Variants in ITPR1 observed in about 807,000 individuals in gnomAD.
ITPR1 encodes the protein inositol 1,4,5-trisphosphate receptor type 1.
A neutral mutation model predicts 318.4 loss-of-function variants in ITPR1; 96 were observed. The observed-to-expected ratio is 0.30, with a 90% CI of 0.26 to 0.36. ITPR1 has a LOEUF of 0.36. Among genes scored for constraint, ITPR1 ranks in the 10% least tolerant of loss-of-function variants. The probability of loss-of-function intolerance (pLI) is 1.00; values close to 1 mark genes in which losing one functional copy is unlikely to be tolerated. For missense variants in ITPR1, 2,440 were observed against 3,460.2 expected, an observed-to-expected ratio of 0.71 and a Z score of 7.40; for synonymous variants, 1,312 against 1,289.9, an observed-to-expected ratio of 1.02 and a Z score of -0.37.
intron 37 of ITPR1, among the ~76,000 whole-genome samples, chr3:4,706,645 T>C (rs113887418): frequency 1.8e-3 from 275 of 152,268 alleles, no homozygotes; most frequent in Middle Eastern, 0.014. Context: ...TTACAGAGGA[T>C]GTTTAGAGTA....
At chr3:4,763,207 G>A (rs2045573304) in intron 44 of ITPR1, among the ~76,000 whole-genome samples, 1 of 152,122 alleles carries the variant, frequency 6.6e-6, no homozygotes, top group South Asian at 2.1e-4. Context: ...GTTGGGGGAG[G>A]CAGGAGTTGG....
At position 4,681,483 on chromosome 3, in the gene ITPR1, C is replaced by T. The variant is rs1169502276; in HGVS notation, c.3161+65C>T. ...CTCTTCCAGAGCTCTCAGAGGCCTT[C>T]CCTTTATTATGTTAGTAAATATTTA... On this transcript the variant is annotated intron_variant, in intron 26 of 61. Transcript: ENST00000649015. The T allele has an allele frequency of 6.2e-5, 67 of 1,085,490 alleles. 1 individual carries two copies. In the East Asian group the frequency reaches 6.4e-4, roughly 10 times the overall value. The allele number at this position is 1,085,490 out of a possible 1,614,324, so 67.2% of individuals were successfully genotyped here.
rs184643670 is a variant in ITPR1 at position 4,679,118 on chromosome 3, C to T, written c.2968-1435C>T. ...TCTATGAGAAGCGGTAAATGGAGAACCACCAGGACTTAGTCTCTGATTAGA... is the reference window on the plus strand; with the variant it reads ...TCTATGAGAAGCGGTAAATGGAGAATCACCAGGACTTAGTCTCTGATTAGA... On this transcript the variant is annotated intron_variant, in intron 24 of 61. Transcript: ENST00000649015. Among the ~76,000 whole-genome samples, 3 of 152,020 alleles carry T rather than the reference C, an allele frequency of 2.0e-5. No individual in the cohort carries two copies. In the East Asian group the frequency reaches 5.8e-4, roughly 29 times the overall value.
intron 4 of ITPR1, among the ~76,000 whole-genome samples, chr3:4,571,128 T>A (rs1015824711): frequency 6.6e-6 from 1 of 152,162 alleles, no homozygotes; most frequent in African/African-American, 2.4e-5. Flanking sequence ...CCAAAGCATG[T>A]CTCTTTGGGC....
chr3:4,776,891 CAA>C (rs777599162), intron 47 of ITPR1, among the ~76,000 whole-genome samples: 10 of 152,148 alleles, frequency 6.6e-5, no homozygotes, highest in Admixed American at 2.0e-4. Flanking sequence ...GTACAAAATA[CAA>C]AAAGAGTGCT....
chr3:4,697,370 C>T lies in ITPR1; in HGVS notation c.4407+98C>T, dbSNP rs986463923. ...TGTGTGTGTAGCATCTTTGTGCACA[C>T]ATGAAGAAAACAGCTGCATCATTTC... On this transcript the variant is annotated intron_variant, in intron 34 of 61. Coordinates refer to ENST00000649015, the MANE Select transcript of ITPR1 (RefSeq NM_001378452.1). 14 of 1,135,670 alleles carry T rather than the reference C, an allele frequency of 1.2e-5. No individual in the cohort carries two copies. In the African/African-American group the frequency reaches 1.4e-4, roughly 11 times the overall value. The allele number at this position is 1,135,670 out of a possible 1,614,324, so 70.3% of individuals were successfully genotyped here. A position where few individuals can be genotyped will look rare whatever the true frequency, so the allele number is the denominator to read the frequency against.
Position 4,788,043 on chromosome 3 carries a change from A to G in ITPR1, c.6712A>G (p.Thr2238Ala), listed in dbSNP as rs1238333641. ...TKESKLRIYYTTERDEQGSKI... is the reference protein window; with the variant it reads ...TKESKLRIYYATERDEQGSKI... ...GGAGTCAAAACTACGAATTTACTAT[A>G]CTACAGAGAGAGACGAACAAGGCAG... Residue 2238 changes from threonine (T) to alanine (A), a missense_variant, in exon 52 of 62, where the codon ACT (threonine) becomes GCT (alanine). By Grantham distance (58) the Thr-to-Ala change is moderately conservative. Transcript: ENST00000649015. The G allele has an allele frequency of 6.2e-7, 1 of 1,612,840 alleles. No individual in the cohort carries two copies. The highest frequency in any genetic ancestry group is 1.1e-5 in the South Asian group (1 of 90,674).
chr3:4,703,355 C>A (rs1574935388), intron 36 of ITPR1, among the ~76,000 whole-genome samples: 1 of 152,100 alleles, frequency 6.6e-6, no homozygotes, highest in South Asian at 2.1e-4. Flanking sequence ...TAAGGAACAC[C>A]CTTTCTCAGA....
chr3:4,814,611 G>GGGGGGGGGGGGGGGGGT, intron 58 of ITPR1, 49 bp downstream of exon 58: 2 of 707,948 alleles, frequency 2.8e-6, no homozygotes, highest in African/African-American at 1.9e-5. Context: ...GGGTGGGGTG[G>GGGGGGGGGGGGGGGGGT]TTGGTGGGAG....
chr3:4,805,971 G>T, intron 54 of ITPR1, 132 bp from the exon 55 acceptor site: 1 of 714,430 alleles, frequency 1.4e-6, no homozygotes, highest in Non-Finnish European at 2.2e-6. Flanking sequence ...GGGTTTGGTG[G>T]GCACCGGGTG....
chr3:4,815,283 C>T lies in ITPR1; in HGVS notation c.7867+65C>T. The T allele has an allele frequency of 2.6e-6, 4 of 1,528,832 alleles. No homozygotes were observed. In the South Asian group the frequency reaches 4.6e-5, roughly 18 times the overall value. The allele number at this position is 1,528,832 out of a possible 1,614,324, so 94.7% of individuals were successfully genotyped here. A position where few individuals can be genotyped will look rare whatever the true frequency, so the allele number is the denominator to read the frequency against. ...CCAGCGTGGCAGAGGCATGTGGATA[C>T]TGCGAGGGTGTGATGGGCGGGGTGC... On this transcript the variant is annotated intron_variant, in intron 59 of 61. Coordinates refer to ENST00000649015, the MANE Select transcript of ITPR1 (RefSeq NM_001378452.1).
Position 4,685,342 on chromosome 3 carries a change from G to A in ITPR1, c.3702+136G>A. ...CTATTGTGACTACAAAGCAATTTCA[G>A]GTATTGATATGAAACAGAGCATCTG... On this transcript the variant is annotated intron_variant, in intron 30 of 61. Coordinates refer to ENST00000649015, the MANE Select transcript of ITPR1 (RefSeq NM_001378452.1). The A allele has an allele frequency of 7.1e-6, 6 of 842,094 alleles. 1 individual carries two copies. In the East Asian group the frequency reaches 8.4e-5, roughly 12 times the overall value. The allele number at this position is 842,094 out of a possible 1,614,324, so 52.2% of individuals were successfully genotyped here.
chr3:4,540,221 ATATT>A (rs1473949160), intron 4 of ITPR1, among the ~76,000 whole-genome samples: 7 of 152,086 alleles, frequency 4.6e-5, no homozygotes, highest in Admixed American at 1.3e-4. Flanking sequence ...GGTGAACTAA[ATATT>A]TATCATTATG....
At chr3:4,735,668 C>A in intron 44 of ITPR1, 1 of 305,582 alleles carries the variant, frequency 3.3e-6, no homozygotes, top group Non-Finnish European at 6.1e-6. Context: ...TAAATGATTG[C>A]ATGAAGTTTA....
chr3:4,690,046 G>C (rs982428981), intron 31 of ITPR1, among the ~76,000 whole-genome samples: 15 of 152,238 alleles, frequency 9.9e-5, no homozygotes, highest in African/African-American at 3.6e-4. Context: ...GGAGGCCAAG[G>C]CAGGCGGATC....
intron 4 of ITPR1, among the ~76,000 whole-genome samples, chr3:4,590,777 AG>A (rs895074262): frequency 2.6e-5 from 4 of 152,010 alleles, no homozygotes; most frequent in African/African-American, 9.7e-5. Flanking sequence ...TTTGTCACAT[AG>A]ACAAACACGT....
At chr3:4,688,362 C>T in intron 30 of ITPR1, 133 bp from the exon 31 acceptor site, 1 of 980,098 alleles carries the variant, frequency 1.0e-6, no homozygotes, top group East Asian at 2.4e-5. Context: ...GCAGTGCAGC[C>T]CCTCAATATT....
chr3:4,629,278 G>C (rs1248359952), intron 5 of ITPR1, among the ~76,000 whole-genome samples: 1 of 152,000 alleles, frequency 6.6e-6, no homozygotes, highest in Non-Finnish European at 1.5e-5. Flanking sequence ...CCCTCAGTTT[G>C]TCCTGTTGAG....
intron 24 of ITPR1, among the ~76,000 whole-genome samples, chr3:4,677,450 C>T (rs1469094285): frequency 6.6e-6 from 1 of 152,144 alleles, no homozygotes; most frequent in East Asian, 1.9e-4. Flanking sequence ...CTCTCCAGTA[C>T]AGTGACATGA....
Sources: allele counts gnomAD v4.1 joint callset (sites outside exome capture counted in the v4.1 genomes callset), GRCh38; gene constraint gnomAD v4.1.1; transcripts MANE v1.5; gene names NCBI Gene and HGNC (gene_info 2026-07-23, HGNC 2026-07-21).